The following DTHD1 variants were observed in gnomAD, a reference collection of about 807,000 sequenced individuals.
DTHD1 encodes the protein death domain containing 1.
In DTHD1, 59 loss-of-function variants were observed where a neutral mutation model predicts 74.8. The observed-to-expected ratio is 0.79, with a 90% CI of 0.64 to 0.98. DTHD1 has a LOEUF of 0.98. Among genes scored for constraint, DTHD1 ranks in the 50% least tolerant of loss-of-function variants. The pLI is 0.00. For missense variants in DTHD1, 1,051 were observed against 1,065.4 expected, an observed-to-expected ratio of 0.99 and a Z score of 0.19; for synonymous variants, 365 against 371.1, an observed-to-expected ratio of 0.98 and a Z score of 0.19.
At chr4:36,311,063 T>C (rs1368913062) in intron 7 of DTHD1, 2 of 152,234 alleles carry the variant, frequency 1.3e-5, no homozygotes, top group Non-Finnish European at 2.9e-5. Context: ...CCACCCTAAA[T>C]AGGAGTGCAT....
At chr4:36,304,666 C>A (rs1166278884) in intron 5 of DTHD1, among the ~76,000 whole-genome samples, 2 of 152,066 alleles carry the variant, frequency 1.3e-5, no homozygotes, top group African/African-American at 4.8e-5. Flanking sequence ...GTATTTTTCC[C>A]CAAAGATGTT....
At chr4:36,324,967 G>C (rs1008847357) in intron 8 of DTHD1, among the ~76,000 whole-genome samples, 19 of 152,136 alleles carry the variant, frequency 1.2e-4, no homozygotes, top group African/African-American at 4.3e-4. Flanking sequence ...AGAGAAAGGG[G>C]CAATGAGTTT....
chr4:36,339,892 A>G (rs1759222753), intron 9 of DTHD1, among the ~76,000 whole-genome samples: 1 of 152,248 alleles, frequency 6.6e-6, no homozygotes, highest in Admixed American at 6.5e-5. Context: ...AAACCCTTTC[A>G]GGGATAAATA....
Position 36,290,569 on chromosome 4 carries a change from A to G in DTHD1, c.1084A>G (p.Ile362Val). 6.4e-7 allele frequency: 1 copy of G among 1,551,584 alleles called. No homozygotes were observed. The highest frequency in any genetic ancestry group is 8.7e-7 in the Non-Finnish European group (1 of 1,146,990). The change falls in exon 3 of 10, where the codon ATA becomes GTA. Residue 362 changes from isoleucine to valine, a missense_variant. Ile to Val is a conservative substitution (Grantham distance 29). Coordinates refer to ENST00000639862, the MANE Select transcript of DTHD1 (RefSeq NM_001170700.3). ...SDKEKRVPFPIGIAIPFTARY... is the reference protein window; with the variant it reads ...SDKEKRVPFPVGIAIPFTARY... The stretch of plus-strand genomic sequence containing the variant: ...TAAGGAAAAGAGAGTTCCATTTCCA[A>G]TAGGCATTGCAATTCCATTTACTGC...
intron 8 of DTHD1, among the ~76,000 whole-genome samples, chr4:36,338,670 A>G (rs1476640922): frequency 6.6e-6 from 1 of 152,060 alleles, no homozygotes; most frequent in Non-Finnish European, 1.5e-5. Context: ...ATTTTCGAAT[A>G]ATATCTGCAC....
chr4:36,317,901 G>T (rs904894444), intron 8 of DTHD1, among the ~76,000 whole-genome samples: 4 of 152,190 alleles, frequency 2.6e-5, no homozygotes, highest in African/African-American at 7.2e-5. Flanking sequence ...TGGAAATTCA[G>T]ACAGTGGAAA....
At chr4:36,296,819 T>A (rs1387869453) in intron 5 of DTHD1, among the ~76,000 whole-genome samples, 1 of 152,114 alleles carries the variant, frequency 6.6e-6, no homozygotes, top group Non-Finnish European at 1.5e-5. Flanking sequence ...ATATAGTTGA[T>A]CCTTGAGCAA....
intron 9 of DTHD1, 119 bp downstream of exon 9, chr4:36,339,288 T>C (rs1277421893): frequency 1.5e-6 from 1 of 674,030 alleles, no homozygotes; most frequent in South Asian, 3.0e-5. Flanking sequence ...AAACAATCAT[T>C]AACTTTATTG....
intron 7 of DTHD1, among the ~76,000 whole-genome samples, chr4:36,309,514 T>C (rs1560801068): frequency 6.6e-6 from 1 of 152,240 alleles, no homozygotes; most frequent in African/African-American, 2.4e-5. Context: ...TTTGAAATTA[T>C]TTAATTAATT....
Position 36,306,209 on chromosome 4 carries a change from A to C in DTHD1, c.1662A>C (p.Ile554=). 6.4e-7 allele frequency: 1 copy of C among 1,551,842 alleles called. No homozygotes were observed. Among genetic ancestry groups the C allele is most frequent in the Middle Eastern group, 1.7e-4 (1 of 5,992 alleles). The change falls in exon 6 of 10, where the codon ATA becomes ATC. Residue 554 remains isoleucine, a synonymous_variant. Transcript: ENST00000639862. ...SYFNRTKIAS[I]RKPRKNASEC... ...TATATAGGACAAAAATTGCCTCCAT[A>C]AGAAAACCTAGGAAAAATGCCAGTG...
At chr4:36,327,771 C>CAT (rs2109548677) in intron 8 of DTHD1, among the ~76,000 whole-genome samples, 1 of 152,256 alleles carries the variant, frequency 6.6e-6, no homozygotes, top group East Asian at 1.9e-4. Flanking sequence ...TCACTGCTTC[C>CAT]ATATATATTC....
Position 36,343,717 on chromosome 4 carries a change from C to T in DTHD1, c.2614C>T (p.His872Tyr), listed in dbSNP as rs977890073. The T allele has an allele frequency of 4.3e-5, 66 of 1,551,546 alleles. No homozygotes were observed. Among genetic ancestry groups the T allele is most frequent in the Non-Finnish European group, 5.5e-5 (63 of 1,146,954 alleles). Reference sequence around the variant, plus strand: ...CGACAAACTTCGCCTCCTGGCTCGACATCTCCGCAAGATTGGCAGGAGTGA... The same window carrying T: ...CGACAAACTTCGCCTCCTGGCTCGATATCTCCGCAAGATTGGCAGGAGTGA... ...FTDKLRLLAR[H>Y]LRKIGRSDLA... Residue 872 changes from histidine (H) to tyrosine (Y), a missense_variant, in exon 10 of 10, where the codon CAT becomes TAT. Coordinates refer to ENST00000639862, the MANE Select transcript of DTHD1 (RefSeq NM_001170700.3).
At chr4:36,332,187 A>AAAAATAAAAT (rs11269624) in intron 8 of DTHD1, among the ~76,000 whole-genome samples, 3,069 of 139,718 alleles carry the variant, frequency 0.022, 59 homozygotes, top group Middle Eastern at 0.036. Context: ...CACTGTCTCA[A>AAAAATAAAAT]AAAATAAAAT....
chr4:36,312,313 G>C (rs983434167), intron 7 of DTHD1, among the ~76,000 whole-genome samples: 5 of 151,570 alleles, frequency 3.3e-5, no homozygotes, highest in Non-Finnish European at 7.4e-5. Context: ...GATTTTTCTA[G>C]ATATTCTATA....
At chr4:36,310,448 T>A (rs1396630892) in intron 7 of DTHD1, among the ~76,000 whole-genome samples, 2 of 152,196 alleles carry the variant, frequency 1.3e-5, no homozygotes, top group Non-Finnish European at 2.9e-5. Flanking sequence ...CTGCTTGCCC[T>A]GTGGTGGAAT....
chr4:36,323,199 G>A (rs928605365), intron 8 of DTHD1, among the ~76,000 whole-genome samples: 1 of 152,104 alleles, frequency 6.6e-6, no homozygotes, highest in Non-Finnish European at 1.5e-5. Context: ...CTGAACTCCT[G>A]ACATGTGATT....
At chr4:36,297,308 T>A (rs576884335) in intron 5 of DTHD1, among the ~76,000 whole-genome samples, 1 of 152,310 alleles carries the variant, frequency 6.6e-6, no homozygotes, top group Admixed American at 6.5e-5. Flanking sequence ...TTTTATGGTC[T>A]TTTTTAGATT....
At chr4:36,304,225 T>C (rs563564760) in intron 5 of DTHD1, among the ~76,000 whole-genome samples, 1 of 152,334 alleles carries the variant, frequency 6.6e-6, no homozygotes, top group East Asian at 1.9e-4. Flanking sequence ...AAAAATTACA[T>C]TGAAGTCAAT....
intron 7 of DTHD1, among the ~76,000 whole-genome samples, chr4:36,314,841 C>G (rs1488368554): frequency 1.4e-5 from 2 of 144,884 alleles, no homozygotes; most frequent in Non-Finnish European, 3.0e-5. Flanking sequence ...ATTTACTGAG[C>G]ACTTACTGTG....
Sources: allele counts gnomAD v4.1 joint callset (sites outside exome capture counted in the v4.1 genomes callset), GRCh38; gene constraint gnomAD v4.1.1; transcripts MANE v1.5; gene names NCBI Gene and HGNC (gene_info 2026-07-23, HGNC 2026-07-21).